Variants in QKI observed in about 807,000 individuals in gnomAD.
The protein encoded by QKI is QKI, KH domain containing RNA binding.
QKI carries 10 observed loss-of-function variants against 39.0 expected under a neutral mutation model. The ratio of observed to expected loss-of-function variants is 0.26; its 90% confidence interval spans 0.16 to 0.43. QKI has a LOEUF of 0.43. Ranked by LOEUF, QKI falls within the 20% of genes least tolerant of loss-of-function variation. The pLI is 1.00. For synonymous variants in QKI, 204 were observed against 155.4 expected (o/e 1.31, Z -2.33); for missense variants, 218 against 428.0 (o/e 0.51, Z 4.33).
intron 3 of QKI, among the ~76,000 whole-genome samples, chr6:163,526,707 T>A (rs1316242414): frequency 6.6e-6 from 1 of 152,206 alleles, no homozygotes; most frequent in Non-Finnish European, 1.5e-5. Flanking sequence ...GCCTTAACTA[T>A]GTTTCATCAA....
intron 2 of QKI, among the ~76,000 whole-genome samples, chr6:163,476,801 G>A (rs1792639283): frequency 6.6e-6 from 1 of 152,126 alleles, no homozygotes; most frequent in African/African-American, 2.4e-5. Flanking sequence ...AAGAGTAAGA[G>A]CCTGAGGTTT....
intron 4 of QKI, among the ~76,000 whole-genome samples, chr6:163,555,881 TCTTA>T (rs551274693): frequency 6.6e-6 from 1 of 152,342 alleles, no homozygotes; most frequent in South Asian, 2.1e-4. Context: ...AACATGATTT[TCTTA>T]CTTTCTAACA....
At chr6:163,473,389 A>C (rs80018699) in intron 2 of QKI, among the ~76,000 whole-genome samples, 6,012 of 152,194 alleles carry the variant, frequency 0.04, 403 homozygotes, top group African/African-American at 0.14. Context: ...GTGGGAGGAG[A>C]TGCAGATTCC....
chr6:163,467,244 A>G (rs977695949), intron 2 of QKI, among the ~76,000 whole-genome samples: 1 of 152,226 alleles, frequency 6.6e-6, no homozygotes, highest in African/African-American at 2.4e-5. Flanking sequence ...TGTGGTAACC[A>G]TTTCACAATG....
intron 4 of QKI, among the ~76,000 whole-genome samples, chr6:163,548,933 G>A (rs1479451885): frequency 6.6e-6 from 1 of 152,184 alleles, no homozygotes; most frequent in Non-Finnish European, 1.5e-5. Context: ...AATGGTGATT[G>A]ACTAGAAGGT....
At chr6:163,479,360 GT>G (rs1227457224) in intron 3 of QKI, among the ~76,000 whole-genome samples, 10 of 152,078 alleles carry the variant, frequency 6.6e-5, no homozygotes, top group Non-Finnish European at 1.3e-4. Context: ...ATTTTCCCTT[GT>G]TTTTCTTTTT....
chr6:163,506,061 C>T (rs1779074680), intron 3 of QKI, among the ~76,000 whole-genome samples: 1 of 151,798 alleles, frequency 6.6e-6, no homozygotes, highest in South Asian at 2.1e-4. Context: ...GATGTGTTCC[C>T]ACCCCGCCCG....
At chr6:163,556,181 C>T (rs983818459) in intron 4 of QKI, among the ~76,000 whole-genome samples, 12 of 152,122 alleles carry the variant, frequency 7.9e-5, no homozygotes, top group Non-Finnish European at 1.5e-4. Context: ...TTACATTAAA[C>T]GTGACCTGTT....
chr6:163,509,566 A>C (rs1039656190), intron 3 of QKI, among the ~76,000 whole-genome samples: 1 of 152,086 alleles, frequency 6.6e-6, no homozygotes, highest in South Asian at 2.1e-4. Context: ...TCTACATATT[A>C]TGTGAAACAG....
intron 4 of QKI, among the ~76,000 whole-genome samples, chr6:163,542,063 A>G (rs1781555138): frequency 2.0e-5 from 3 of 151,936 alleles, no homozygotes; most frequent in East Asian, 1.9e-4. Flanking sequence ...TTCCTTCCCT[A>G]CAAAATGTAC....
intron 4 of QKI, among the ~76,000 whole-genome samples, chr6:163,558,138 A>T (rs1782754382): frequency 6.6e-6 from 1 of 152,174 alleles, no homozygotes; most frequent in Admixed American, 6.5e-5. Flanking sequence ...GATCAGTTGT[A>T]ATTTTTGAGA....
intron 1 of QKI, among the ~76,000 whole-genome samples, chr6:163,424,483 T>C (rs1183997845): frequency 6.6e-6 from 1 of 152,170 alleles, no homozygotes; most frequent in Non-Finnish European, 1.5e-5. Context: ...TTGGTGATCT[T>C]GGGTGAGATA....
intron 4 of QKI, among the ~76,000 whole-genome samples, chr6:163,559,841 G>A (rs1195381346): frequency 1.3e-5 from 2 of 152,128 alleles, no homozygotes; most frequent in African/African-American, 2.4e-5. Context: ...TGTCCTGGTC[G>A]TCCTTCCCGT....
intron 1 of QKI, among the ~76,000 whole-genome samples, chr6:163,424,509 C>T (rs367943972): frequency 6.6e-6 from 1 of 152,180 alleles, no homozygotes; most frequent in African/African-American, 2.4e-5. Context: ...TGTCTCTGAA[C>T]CTCAAGCTTC....
chr6:163,498,188 T>TAAAAAAAAAA (rs10650302), intron 3 of QKI, among the ~76,000 whole-genome samples: 1 of 125,556 alleles, frequency 8.0e-6, no homozygotes, highest in Non-Finnish European at 1.6e-5. Context: ...GCAGCTGTGG[T>TAAAAAAAAAA]AAAAAAAAAA....
At chr6:163,510,784 A>C (rs1338717386) in intron 3 of QKI, among the ~76,000 whole-genome samples, 1 of 152,202 alleles carries the variant, frequency 6.6e-6, no homozygotes, top group Non-Finnish European at 1.5e-5. Flanking sequence ...ATATTTATTT[A>C]ATGCAGAATG....
At position 163,577,090 on chromosome 6, in the gene QKI, TAAAA is replaced by T. The variant is rs1205580660; in HGVS notation, c.*6384_*6387del. ...AACCTGTTGAACAGAATTGGTTTAT[TAAAA>T]AAATCATTTCCAGTAGTGTGAAACC... On this transcript the variant is annotated 3_prime_UTR_variant, in exon 8 of 8. Transcript: ENST00000361752. 2.0e-5 allele frequency: 3 copies of T among 152,194 alleles called. No individual in the cohort carries two copies. The highest frequency in any genetic ancestry group is 7.2e-5 in the African/African-American group (3 of 41,454). The allele number at this position is 152,194 out of a possible 1,614,324, so 9.4% of individuals were successfully genotyped here.
intron 3 of QKI, among the ~76,000 whole-genome samples, chr6:163,532,792 G>A (rs975677875): frequency 6.6e-6 from 1 of 152,162 alleles, no homozygotes; most frequent in African/African-American, 2.4e-5. Flanking sequence ...AGCTCTCCCA[G>A]GACTCTCTGA....
At chr6:163,568,796 T>TTA in intron 7 of QKI, 1 of 985,106 alleles carries the variant, frequency 1.0e-6, no homozygotes. Context: ...ACTCACCTCT[T>TTA]TATATATATT....
Sources: gnomAD v4.1 joint callset for allele counts (sites outside exome capture counted in the v4.1 genomes callset) on GRCh38, gnomAD v4.1.1 for gene constraint, MANE v1.5 for transcripts, NCBI Gene and HGNC (gene_info 2026-07-23, HGNC 2026-07-21) for gene names.